The following DYRK3 variants were observed in gnomAD, a reference collection of about 807,000 sequenced individuals.
The protein encoded by DYRK3 is dual specificity tyrosine-phosphorylation-regulated kinase 3.
In DYRK3, 30 loss-of-function variants were observed where a neutral mutation model predicts 40.8. The ratio of observed to expected loss-of-function variants is 0.74; its 90% confidence interval spans 0.55 to 1.00. The LOEUF is 1.00. DYRK3 is among the 50% of genes least tolerant of loss of function. The pLI is 0.00. For synonymous variants in DYRK3, 272 were observed against 260.7 expected (o/e 1.04, Z -0.42); for missense variants, 699 against 731.5 (o/e 0.96, Z 0.51).
intron 2 of DYRK3, 44 bp from the exon 3 acceptor site, chr1:206,647,344 T>C: frequency 6.6e-7 from 1 of 1,517,884 alleles, no homozygotes; most frequent in Non-Finnish European, 8.8e-7. Context: ...TTCTTCCATC[T>C]TTCTAATGTT....
rs1366517512 is a variant in DYRK3 at position 206,652,352 on chromosome 1, A to G, written c.*3387A>G. 1.3e-5 allele frequency among the ~76,000 whole-genome samples: 2 copies of G among 152,126 alleles called. No individual in the cohort carries two copies. Among genetic ancestry groups the G allele is most frequent in the African/African-American group, 4.8e-5 (2 of 41,408 alleles). On this transcript the variant is annotated 3_prime_UTR_variant, in exon 3 of 3. Coordinates refer to ENST00000367109, the MANE Select transcript of DYRK3 (RefSeq NM_003582.4). ...TGTTTTGGTGTTTGTGTTTTTAGTG[A>G]GAGTTCTAGCCAGTACTGTGCCTGA...
Position 206,651,859 on chromosome 1 carries a change from G to T in DYRK3, c.*2894G>T, listed in dbSNP as rs1360813416. 3.9e-5 allele frequency among the ~76,000 whole-genome samples: 6 copies of T among 152,186 alleles called. No individual in the cohort carries two copies. Among genetic ancestry groups the T allele is most frequent in the Non-Finnish European group, 8.8e-5 (6 of 68,022 alleles). ...GAGAAAATGCTACTTTTACTATTTT[G>T]CATTTTATATCAACATTAGCAGCCT... On this transcript the variant is annotated 3_prime_UTR_variant, in exon 3 of 3. Coordinates refer to ENST00000367109, the MANE Select transcript of DYRK3 (RefSeq NM_003582.4).
rs1214467142 is a variant in DYRK3, at chr1:206,651,307, A to G, written c.*2342A>G. Among the ~76,000 whole-genome samples, 1 of 152,220 alleles carries G rather than the reference A, an allele frequency of 6.6e-6. No homozygotes were observed. Among genetic ancestry groups the G allele is most frequent in the African/African-American group, 2.4e-5 (1 of 41,464 alleles). The stretch of plus-strand genomic sequence containing the variant: ...GGTAGTCCAATGTCTGCTTCCCCGC[A>G]TTAACCACATTGCGTAGGTTTGGGA... On this transcript the variant is annotated 3_prime_UTR_variant, in exon 3 of 3. Coordinates refer to ENST00000367109, the MANE Select transcript of DYRK3 (RefSeq NM_003582.4).
At position 206,648,000 on chromosome 1, in the gene DYRK3, A is replaced by T; in HGVS notation, c.802A>T (p.Ser268Cys). ...EHLKKQDKTG[S>C]MNVIHMLESF... Reference sequence around the variant, plus strand: ...TCTTAAGAAACAGGATAAAACTGGTAGTATGAACGTTATCCACATGCTGGA... The same window carrying T: ...TCTTAAGAAACAGGATAAAACTGGTTGTATGAACGTTATCCACATGCTGGA... The change falls in exon 3 of 3, where the codon AGT becomes TGT. Residue 268 changes from serine to cysteine, a missense_variant. By Grantham distance (112) the Ser-to-Cys change is moderately radical (BLOSUM62 -1). Transcript: ENST00000367109. The T allele has an allele frequency of 6.2e-7, 1 of 1,614,238 alleles. No individual in the cohort carries two copies. The highest frequency in any genetic ancestry group is 8.5e-7 in the Non-Finnish European group (1 of 1,180,048).
rs1004827708 is a variant in DYRK3, at chr1:206,653,398, C to A, written c.*4433C>A. ...TCTAGTATTCTATCCTACCATCTAC[C>A]CTCAGAGTTATTGATGTACTCTTTC... On this transcript the variant is annotated 3_prime_UTR_variant, in exon 3 of 3. Coordinates refer to ENST00000367109, the MANE Select transcript of DYRK3 (RefSeq NM_003582.4). 6.6e-6 allele frequency among the ~76,000 whole-genome samples: 1 copy of A among 152,152 alleles called. No individual in the cohort carries two copies. The highest frequency in any genetic ancestry group is 6.5e-5 in the Admixed American group (1 of 15,288).
At chr1:206,644,072 T>C (rs1181959517) in intron 2 of DYRK3, among the ~76,000 whole-genome samples, 1 of 139,030 alleles carries the variant, frequency 7.2e-6, no homozygotes, top group Non-Finnish European at 1.5e-5. Flanking sequence ...TCTTGCCCTG[T>C]CGCCCAGGAT....
rs1267062477 is a variant in DYRK3, at chr1:206,652,019, C to G, written c.*3054C>G. On this transcript the variant is annotated 3_prime_UTR_variant, in exon 3 of 3. Transcript: ENST00000367109. ...AATGTAGCCAGCAGCAGTGTCAAGA[C>G]AGCTGACACTGTCTTCCAAGAGTGA... Among the ~76,000 whole-genome samples, 3 of 152,168 alleles carry G rather than the reference C, an allele frequency of 2.0e-5. No homozygotes were observed. The highest frequency in any genetic ancestry group is 1.3e-4 in the Admixed American group (2 of 15,270).
At chr1:206,637,840 A>G in intron 2 of DYRK3, 79 bp downstream of exon 2, 1 of 1,103,992 alleles carries the variant, frequency 9.1e-7, no homozygotes, top group East Asian at 2.5e-5. Flanking sequence ...AGGTACACTT[A>G]TGTATCACTG....
intron 2 of DYRK3, among the ~76,000 whole-genome samples, chr1:206,646,862 C>T (rs1172771198): frequency 6.6e-6 from 1 of 152,144 alleles, no homozygotes; most frequent in Non-Finnish European, 1.5e-5. Context: ...GCTATATGTC[C>T]TTAATATTTG....
At chr1:206,646,040 G>A (rs1671440950) in intron 2 of DYRK3, among the ~76,000 whole-genome samples, 1 of 152,112 alleles carries the variant, frequency 6.6e-6, no homozygotes, top group Non-Finnish European at 1.5e-5. Context: ...AGTAGAGACA[G>A]AGTTTCACCA....
intron 2 of DYRK3, among the ~76,000 whole-genome samples, chr1:206,646,913 G>T (rs1028927687): frequency 6.6e-6 from 1 of 152,204 alleles, no homozygotes; most frequent in Non-Finnish European, 1.5e-5. Flanking sequence ...GTAAGGTAGT[G>T]CATATATTAT....
In DYRK3 at chr1:206,648,597, G is replaced by A. The variant is rs201585345; in HGVS notation, c.1399G>A (p.Gly467Ser). The A allele has an allele frequency of 4.3e-6, 7 of 1,614,028 alleles. No homozygotes were observed. The highest frequency in any genetic ancestry group is 3.3e-5 in the Admixed American group (2 of 60,004). ...QADGRVVLVG[G>S]RSRRGKKRGP... ...AGATGGGAGGGTTGTGCTTGTGGGG[G>A]GTCGCTCACGTAGGGGTAAAAAGCG... Residue 467 changes from glycine (G) to serine (S), a missense_variant, in exon 3 of 3, where the codon GGT becomes AGT. Gly to Ser is a moderately conservative substitution (Grantham distance 56). Coordinates refer to ENST00000367109, the MANE Select transcript of DYRK3 (RefSeq NM_003582.4).
In DYRK3 at chr1:206,637,709, G is replaced by C. The variant is rs782477076; in HGVS notation, c.137G>C (p.Cys46Ser). The part of the protein sequence containing the change: ...MMIDETKCPP[C>S]SNVLCNPSEP... Reference sequence around the variant, plus strand: ...ATAGATGAAACCAAATGTCCCCCCTGTTCAAATGTACTCTGCAATCCTTCT... The same window carrying C: ...ATAGATGAAACCAAATGTCCCCCCTCTTCAAATGTACTCTGCAATCCTTCT... Residue 46 changes from cysteine (C) to serine (S), a missense_variant, in exon 2 of 3, where the codon TGT (cysteine) becomes TCT (serine). Cys to Ser is a moderately radical substitution (Grantham distance 112, BLOSUM62 -1). Transcript: ENST00000367109. The C allele has an allele frequency of 6.2e-7, 1 of 1,614,058 alleles. No homozygotes were observed. Among genetic ancestry groups the C allele is most frequent in the East Asian group, 2.2e-5 (1 of 44,864 alleles).
chr1:206,638,278 T>TTG (rs200539306), intron 2 of DYRK3, among the ~76,000 whole-genome samples: 2,779 of 108,292 alleles, frequency 0.026, 58 homozygotes, highest in Admixed American at 0.057. Flanking sequence ...AGCTTTTTTT[T>TTG]TTTTTTTTTT....
In DYRK3 at chr1:206,648,660, A is replaced by G. The variant is rs1671540897; in HGVS notation, c.1462A>G (p.Lys488Glu). ...PGSKDWGTAL[K>E]GCDDYLFIEF... ...CAGCAAAGACTGGGGGACAGCACTGAAAGGGTGTGATGACTACTTGTTTAT... is the reference window on the plus strand; with the variant it reads ...CAGCAAAGACTGGGGGACAGCACTGGAAGGGTGTGATGACTACTTGTTTAT... Residue 488 changes from lysine (K) to glutamate (E), a missense_variant, in exon 3 of 3, where the codon AAA becomes GAA. Physicochemically the swap from Lys to Glu is moderately conservative, Grantham distance 56. Transcript: ENST00000367109. The G allele has an allele frequency of 6.2e-7, 1 of 1,613,878 alleles. No individual in the cohort carries two copies. The highest frequency in any genetic ancestry group is 8.5e-7 in the Non-Finnish European group (1 of 1,179,944).
chr1:206,648,280 T>G lies in DYRK3; in HGVS notation c.1082T>G (p.Phe361Cys). 1.2e-6 allele frequency: 2 copies of G among 1,613,670 alleles called. No homozygotes were observed. The highest frequency in any genetic ancestry group is 1.7e-6 in the Non-Finnish European group (2 of 1,179,872). ...TKVIDFGSSC[F>C]EYQKLYTYIQ... Reference sequence around the variant, plus strand: ...GTCATTGACTTTGGGTCCAGCTGTTTCGAGTACCAGAAGCTCTACACATAT... The same window carrying G: ...GTCATTGACTTTGGGTCCAGCTGTTGCGAGTACCAGAAGCTCTACACATAT... Residue 361 changes from phenylalanine to cysteine, a missense_variant, in exon 3 of 3, where the codon TTC becomes TGC. Coordinates refer to ENST00000367109, the MANE Select transcript of DYRK3 (RefSeq NM_003582.4).
Position 206,647,927 on chromosome 1 carries a change from G to A in DYRK3, c.729G>A (p.Glu243=). 1.2e-6 allele frequency: 2 copies of A among 1,614,110 alleles called. No homozygotes were observed. Among genetic ancestry groups the A allele is most frequent in the Non-Finnish European group, 1.7e-6 (2 of 1,180,030 alleles). Residue 243 remains glutamate, a synonymous_variant, in exon 3 of 3, where the codon GAG becomes GAA. Coordinates refer to ENST00000367109, the MANE Select transcript of DYRK3 (RefSeq NM_003582.4). ...TGGCCCTAAAAATGGTGCGCAATGA[G>A]AAGCGCTTTCATCGTCAAGCAGCTG... ...QYVALKMVRN[E]KRFHRQAAEE...
intron 1 of DYRK3, 195 bp downstream of exon 1, chr1:206,635,975 G>T (rs1401358918): frequency 2.2e-6 from 3 of 1,340,168 alleles, no homozygotes; most frequent in Middle Eastern, 4.0e-4. Flanking sequence ...GTCTCACCGG[G>T]CGCGGGGGAC....
chr1:206,636,142 A>G (rs1553418296), intron 1 of DYRK3: 1 of 1,146,838 alleles, frequency 8.7e-7, no homozygotes, highest in Non-Finnish European at 1.2e-6. Flanking sequence ...CTTGGAAAGA[A>G]GCCCTGTTGC....
Sources: gnomAD v4.1 joint callset for allele counts (sites outside exome capture counted in the v4.1 genomes callset) on GRCh38, gnomAD v4.1.1 for gene constraint, MANE v1.5 for transcripts, NCBI Gene and HGNC (gene_info 2026-07-23, HGNC 2026-07-21) for gene names.